NIM1K: variants seen among roughly 807,000 people sequenced by gnomAD.
The protein encoded by NIM1K is NIM1 serine/threonine protein kinase.
Under a neutral mutation model 37.1 loss-of-function variants are expected in NIM1K, and 35 were observed. That is an observed-to-expected ratio of 0.94 (90% CI 0.72 to 1.25). The LOEUF is 1.25. Among genes scored for constraint, NIM1K ranks in the 50% most tolerant of loss-of-function variants. The pLI, the probability that NIM1K is intolerant of heterozygous loss-of-function variation, is 0.00. For synonymous variants in NIM1K, 234 were observed against 206.6 expected (o/e 1.13, Z -1.14); for missense variants, 564 against 548.0 (o/e 1.03, Z -0.29).
At chr5:43,272,224 CT>C (rs991059667) in intron 2 of NIM1K, among the ~76,000 whole-genome samples, 10 of 152,158 alleles carry the variant, frequency 6.6e-5, no homozygotes, top group African/African-American at 2.4e-4. Flanking sequence ...ACCTCAAGAT[CT>C]TCTGTCCTAC....
chr5:43,277,446 T>TC, intron 3 of NIM1K, 121 bp downstream of exon 3: 1 of 1,052,482 alleles, frequency 9.5e-7, no homozygotes, highest in Non-Finnish European at 1.4e-6. Flanking sequence ...CAGACAGTAG[T>TC]CCCTTCTGAG....
intron 2 of NIM1K, among the ~76,000 whole-genome samples, chr5:43,268,491 G>C (rs1753204246): frequency 6.6e-6 from 1 of 151,992 alleles, no homozygotes; most frequent in African/African-American, 2.4e-5. Flanking sequence ...AGTCACTTCT[G>C]TGGGGCCACA....
chr5:43,261,890 G>A (rs1293265786), intron 2 of NIM1K, among the ~76,000 whole-genome samples: 7 of 152,142 alleles, frequency 4.6e-5, no homozygotes, highest in African/African-American at 1.7e-4. Flanking sequence ...TCTTGTTTTT[G>A]TCAGCTTTGT....
At chr5:43,207,343 A>C in intron 1 of NIM1K, 3 of 774,058 alleles carry the variant, frequency 3.9e-6, no homozygotes, top group African/African-American at 1.7e-5. Context: ...TCACTATGGT[A>C]GAGCTTGACC....
intron 1 of NIM1K, among the ~76,000 whole-genome samples, chr5:43,196,786 T>C (rs1751923026): frequency 6.6e-6 from 1 of 152,082 alleles, no homozygotes; most frequent in African/African-American, 2.4e-5. Context: ...TTTTCTTTTT[T>C]TCTTGAGACA....
At chr5:43,252,284 G>C (rs1373005246) in intron 2 of NIM1K, among the ~76,000 whole-genome samples, 2 of 151,988 alleles carry the variant, frequency 1.3e-5, no homozygotes, top group Non-Finnish European at 2.9e-5. Context: ...TGGGTGCCTT[G>C]TGTGGCCTCA....
intron 3 of NIM1K, among the ~76,000 whole-genome samples, chr5:43,278,234 G>A (rs1753382599): frequency 6.6e-6 from 1 of 151,972 alleles, no homozygotes; most frequent in Admixed American, 6.6e-5. Context: ...TAATAGAGAT[G>A]AGGTTTCACC....
At chr5:43,213,289 CCTTTT>C (rs1172681240) in intron 1 of NIM1K, among the ~76,000 whole-genome samples, 837 of 37,748 alleles carry the variant, frequency 0.022, 18 homozygotes, top group African/African-American at 0.047. Context: ...TGTTTCCTTT[CCTTTT>C]CTTTTCTTTT....
chr5:43,257,762 T>A, intron 2 of NIM1K, among the ~76,000 whole-genome samples: 1 of 145,556 alleles, frequency 6.9e-6, no homozygotes, highest in South Asian at 2.1e-4. Flanking sequence ...TTTTATAACT[T>A]TTTTTTTTTT....
At chr5:43,229,878 C>A (rs1308873614) in intron 1 of NIM1K, among the ~76,000 whole-genome samples, 1 of 151,966 alleles carries the variant, frequency 6.6e-6, no homozygotes, top group African/African-American at 2.4e-5. Flanking sequence ...GTGATTTACC[C>A]ACCTTGGCCT....
chr5:43,247,821 G>A (rs1380669284), intron 2 of NIM1K, among the ~76,000 whole-genome samples: 1 of 152,192 alleles, frequency 6.6e-6, no homozygotes, highest in Non-Finnish European at 1.5e-5. Flanking sequence ...TATTGTGTCA[G>A]GTTTCCATGC....
chr5:43,270,032 G>A (rs1753231872), intron 2 of NIM1K, among the ~76,000 whole-genome samples: 2 of 152,208 alleles, frequency 1.3e-5, no homozygotes, highest in Admixed American at 6.5e-5. Context: ...AGAATTTTGT[G>A]TATGGCTGGT....
chr5:43,207,650 A>T (rs1752137164), intron 1 of NIM1K: 3 of 595,500 alleles, frequency 5.0e-6, no homozygotes, highest in Non-Finnish European at 9.8e-6. Context: ...TGTCAATCTG[A>T]CGGAAGCGCT....
At chr5:43,250,353 G>A (rs1752851039) in intron 2 of NIM1K, among the ~76,000 whole-genome samples, 1 of 151,978 alleles carries the variant, frequency 6.6e-6, no homozygotes, top group Admixed American at 6.6e-5. Context: ...CTTTAACTTA[G>A]CCACTATTGG....
chr5:43,278,849 T>G (rs1379775589), intron 3 of NIM1K, among the ~76,000 whole-genome samples: 2 of 152,142 alleles, frequency 1.3e-5, no homozygotes, highest in African/African-American at 4.8e-5. Context: ...GAGAAGAGCT[T>G]GACTGTAGTG....
chr5:43,204,087 T>TA (rs1752074233), intron 1 of NIM1K, among the ~76,000 whole-genome samples: 1 of 132,992 alleles, frequency 7.5e-6, no homozygotes, highest in African/African-American at 2.8e-5. Flanking sequence ...AATGGTTTTT[T>TA]TTTTTTTTTT....
chr5:43,276,027 G>A (rs960575714), intron 2 of NIM1K, among the ~76,000 whole-genome samples: 7 of 150,448 alleles, frequency 4.7e-5, no homozygotes, highest in Admixed American at 3.3e-4. Context: ...TCAGCCACCC[G>A]AGTAGCACAG....
intron 1 of NIM1K, among the ~76,000 whole-genome samples, chr5:43,229,314 G>A (rs897660942): frequency 1.4e-4 from 21 of 150,120 alleles, no homozygotes; most frequent in African/African-American, 4.9e-4. Context: ...GAACTGGGAG[G>A]TGGAGGTTGC....
intron 1 of NIM1K, chr5:43,233,226 G>T (rs1752567606): frequency 2.4e-6 from 2 of 846,624 alleles, no homozygotes; most frequent in Non-Finnish European, 1.9e-6. Flanking sequence ...AGAGATTGTT[G>T]CTTCTTACAG....
Sources: gnomAD v4.1 joint callset for allele counts (sites outside exome capture counted in the v4.1 genomes callset) on GRCh38, gnomAD v4.1.1 for gene constraint, MANE v1.5 for transcripts, NCBI Gene and HGNC (gene_info 2026-07-23, HGNC 2026-07-21) for gene names.